GATAD2A: variants seen among roughly 807,000 people sequenced by gnomAD.
GATAD2A encodes the protein GATA zinc finger domain containing 2A.
GATAD2A carries 12 observed loss-of-function variants against 68.5 expected under a neutral mutation model. The ratio of observed to expected loss-of-function variants is 0.18; its 90% CI spans 0.11 to 0.28. The LOEUF (loss-of-function observed/expected upper bound fraction) is 0.28, where lower values mean the gene tolerates loss of function less well. Ranked by LOEUF, GATAD2A falls within the 10% of genes least tolerant of loss-of-function variation. The pLI is 1.00. For synonymous variants in GATAD2A, 410 were observed against 375.3 expected (o/e 1.09, Z -1.07); for missense variants, 755 against 868.5 (o/e 0.87, Z 1.64).
At chr19:19,404,934 A>C (rs560949411), upstream of GATAD2A, among the ~76,000 whole-genome samples, 15 of 152,170 alleles carry the variant, frequency 9.9e-5, no homozygotes, top group Non-Finnish European at 1.9e-4. Context: ...CATGAACTTG[A>C]TATTTTCCCT....
chr19:19,504,378 C>T (rs2060743375), intron 11 of GATAD2A, among the ~76,000 whole-genome samples: 2 of 152,168 alleles, frequency 1.3e-5, no homozygotes, highest in South Asian at 4.1e-4. Context: ...CCCAGGTGAA[C>T]AAATATTACA....
intron 2 of GATAD2A, among the ~76,000 whole-genome samples, chr19:19,479,814 A>C (rs1006997133): frequency 2.1e-5 from 3 of 144,496 alleles, no homozygotes; most frequent in Non-Finnish European, 4.5e-5. Context: ...GAAGGAAGTT[A>C]CTATGTGTGG....
In GATAD2A at chr19:19,470,263, T is replaced by C. The variant is rs555849941; in HGVS notation, c.269+4649T>C. Among the ~76,000 whole-genome samples the C allele has an allele frequency of 7.3e-5, 11 of 151,032 alleles. No individual in the cohort carries two copies. In the South Asian group the frequency reaches 2.1e-3, roughly 29 times the overall value. ...GATTCTCCTGCCTCAGCCTCTTGAG[T>C]AGCTGAGACTACAGGTGCCCGCCAC... On this transcript the variant is annotated intron_variant, in intron 2 of 11. Coordinates refer to ENST00000683918, the MANE Select transcript of GATAD2A (RefSeq NM_001384528.1).
chr19:19,438,784 T>C (rs2054653079), intron 1 of GATAD2A, among the ~76,000 whole-genome samples: 2 of 152,222 alleles, frequency 1.3e-5, no homozygotes, highest in African/African-American at 4.8e-5. Flanking sequence ...AAGGACAGTC[T>C]ATAAACAGTC....
intron 1 of GATAD2A, among the ~76,000 whole-genome samples, chr19:19,387,389 G>A (rs1203230083): frequency 6.6e-6 from 1 of 151,396 alleles, no homozygotes; most frequent in Non-Finnish European, 1.5e-5. Context: ...GTGCGATCTG[G>A]GCTCACTGTA....
chr19:19,430,811 G>A (rs2053635885), intron 1 of GATAD2A, among the ~76,000 whole-genome samples: 1 of 152,158 alleles, frequency 6.6e-6, no homozygotes, highest in Non-Finnish European at 1.5e-5. Flanking sequence ...AAATTAAAAG[G>A]ACCTCGCTAG....
At chr19:19,440,499 C>T (rs1483087352) in intron 1 of GATAD2A, 2 of 227,514 alleles carry the variant, frequency 8.8e-6, no homozygotes, top group Non-Finnish European at 1.8e-5. Context: ...ACCTCGTGGT[C>T]TGCCCACCTT....
At chr19:19,473,450 T>C (rs1191243227) in intron 2 of GATAD2A, among the ~76,000 whole-genome samples, 1 of 152,192 alleles carries the variant, frequency 6.6e-6, no homozygotes, top group Non-Finnish European at 1.5e-5. Context: ...CCAGTCGCAA[T>C]TGGTGACACT....
At chr19:19,405,350 C>T (rs1353456294), upstream of GATAD2A, among the ~76,000 whole-genome samples, 2 of 152,202 alleles carry the variant, frequency 1.3e-5, no homozygotes, top group Non-Finnish European at 2.9e-5. Flanking sequence ...CTTGAGGTCG[C>T]CCAGCTCAGC....
intron 1 of GATAD2A, among the ~76,000 whole-genome samples, chr19:19,394,934 A>G (rs1301857437): frequency 1.3e-5 from 2 of 152,108 alleles, no homozygotes; most frequent in Admixed American, 6.5e-5. Context: ...TGTTAGAAGG[A>G]GAGTTTCTGG....
intron 1 of GATAD2A, among the ~76,000 whole-genome samples, chr19:19,392,455 C>G (rs1474903721): frequency 1.3e-5 from 2 of 149,684 alleles, no homozygotes; most frequent in Non-Finnish European, 3.0e-5. Flanking sequence ...TGCAGTGGTG[C>G]GATCTTGGCT....
chr19:19,462,835 C>T (rs1477894067), intron 1 of GATAD2A, among the ~76,000 whole-genome samples: 19 of 152,150 alleles, frequency 1.2e-4, no homozygotes, highest in Admixed American at 1.2e-3. Flanking sequence ...TGGGCTGGAG[C>T]AGCTTCGAGA....
At chr19:19,495,732 T>A (rs2060107374) in intron 5 of GATAD2A, 22 bp from the exon 6 acceptor site, 1 of 1,589,058 alleles carries the variant, frequency 6.3e-7, no homozygotes, top group Non-Finnish European at 8.6e-7. Flanking sequence ...CATGTAAATC[T>A]GGGTCTTGGT....
chr19:19,469,434 A>AAAAAAAAAAG (rs1420715683), intron 2 of GATAD2A, among the ~76,000 whole-genome samples: 1 of 151,902 alleles, frequency 6.6e-6, no homozygotes, highest in Admixed American at 6.6e-5. Context: ...TCCATCTCAA[A>AAAAAAAAAAG]AAAAAAGAAA....
At chr19:19,407,614 TTCTTG>T (rs2050429294) in intron 1 of GATAD2A, among the ~76,000 whole-genome samples, 1 of 152,202 alleles carries the variant, frequency 6.6e-6, no homozygotes, top group African/African-American at 2.4e-5. Flanking sequence ...CAAGGCCATT[TTCTTG>T]TCCAGGATCC....
Position 19,501,258 on chromosome 19 carries a change from A to G in GATAD2A, c.1345A>G (p.Lys449Glu). The change falls in exon 9 of 12, where the codon AAG becomes GAG. Residue 449 changes from lysine (K) to glutamate (E), a missense_variant. Lys to Glu is a moderately conservative substitution (Grantham distance 56, BLOSUM62 1). Coordinates refer to ENST00000683918, the MANE Select transcript of GATAD2A (RefSeq NM_001384528.1). ...GAACTGCATGACAACCAACCAGAAGAAGGCGCTCAAGGTGGAGCACACCAG... is the reference window on the plus strand; with the variant it reads ...GAACTGCATGACAACCAACCAGAAGGAGGCGCTCAAGGTGGAGCACACCAG... ...CENCMTTNQK[K>E]ALKVEHTSRL... 1.2e-6 allele frequency: 2 copies of G among 1,613,350 alleles called. No individual in the cohort carries two copies. Among genetic ancestry groups the G allele is most frequent in the South Asian group, 1.1e-5 (1 of 91,080 alleles).
At chr19:19,412,675 G>A (rs553346227) in intron 1 of GATAD2A, among the ~76,000 whole-genome samples, 9 of 152,204 alleles carry the variant, frequency 5.9e-5, no homozygotes, top group East Asian at 1.9e-4. Context: ...TGGAAGGGAT[G>A]TGAAAAACCC....
At chr19:19,455,177 G>A (rs758156064) in intron 1 of GATAD2A, among the ~76,000 whole-genome samples, 16 of 150,812 alleles carry the variant, frequency 1.1e-4, no homozygotes, top group Non-Finnish European at 1.9e-4. Context: ...CAATACAGTG[G>A]GACCCCATCT....
intron 1 of GATAD2A, among the ~76,000 whole-genome samples, chr19:19,397,687 G>T (rs970036840): frequency 2.6e-5 from 4 of 152,090 alleles, no homozygotes; most frequent in Non-Finnish European, 5.9e-5. Flanking sequence ...TTTCCTTTGA[G>T]AATTGTTATC....
Sources: allele counts gnomAD v4.1 joint callset (sites outside exome capture counted in the v4.1 genomes callset), GRCh38; gene constraint gnomAD v4.1.1; transcripts MANE v1.5; gene names NCBI Gene and HGNC (gene_info 2026-07-23, HGNC 2026-07-21).